The following GRIK4 variants were observed in gnomAD, a reference collection of about 807,000 sequenced individuals.
GRIK4 encodes glutamate receptor ionotropic, kainate 4.
In GRIK4, 40 loss-of-function variants were observed where a neutral mutation model predicts 104.9. That is an observed-to-expected ratio of 0.38 (90% confidence interval 0.30 to 0.50). The LOEUF is 0.50. Among genes scored for constraint, GRIK4 ranks in the 20% least tolerant of loss-of-function variants. The probability of loss-of-function intolerance (pLI) is 0.93; values close to 1 mark genes in which losing one functional copy is unlikely to be tolerated. For synonymous variants in GRIK4, 485 were observed against 524.9 expected (o/e 0.92, Z 1.04); for missense variants, 1,047 against 1,308.1 (o/e 0.80, Z 3.08).
At chr11:120,677,434 G>T (rs954097256) in intron 3 of GRIK4, among the ~76,000 whole-genome samples, 4 of 136,072 alleles carry the variant, frequency 2.9e-5, no homozygotes, top group Admixed American at 1.5e-4. Context: ...GCAATGTGAT[G>T]TAGGAGAGTA....
intron 14 of GRIK4, among the ~76,000 whole-genome samples, chr11:120,947,209 C>T (rs1943881150): frequency 6.6e-6 from 1 of 152,104 alleles, no homozygotes; most frequent in African/African-American, 2.4e-5. Flanking sequence ...CGAGACCAGC[C>T]TGACCAACAT....
At chr11:120,777,629 A>C (rs529132845) in intron 3 of GRIK4, among the ~76,000 whole-genome samples, 1 of 152,330 alleles carries the variant, frequency 6.6e-6, no homozygotes, top group African/African-American at 2.4e-5. Context: ...GTGTTGATAT[A>C]CACTATGGAC....
At chr11:120,562,686 G>A (rs1301062235) in intron 1 of GRIK4, among the ~76,000 whole-genome samples, 1 of 152,208 alleles carries the variant, frequency 6.6e-6, no homozygotes, top group African/African-American at 2.4e-5. Context: ...TGTATACCAG[G>A]CTAAGGGTGC....
intron 9 of GRIK4, among the ~76,000 whole-genome samples, chr11:120,862,914 G>T (rs370901837): frequency 6.6e-5 from 10 of 152,192 alleles, no homozygotes; most frequent in African/African-American, 2.4e-4. Context: ...CAGCCCTTGT[G>T]ATGCTAACTC....
intron 1 of GRIK4, among the ~76,000 whole-genome samples, chr11:120,565,693 T>C (rs1344643184): frequency 6.6e-6 from 1 of 151,972 alleles, no homozygotes; most frequent in Non-Finnish European, 1.5e-5. Flanking sequence ...GAGACCGGAG[T>C]AGAAATACAG....
At chr11:120,955,315 G>A (rs1259011957) in intron 15 of GRIK4, among the ~76,000 whole-genome samples, 1 of 152,192 alleles carries the variant, frequency 6.6e-6, no homozygotes, top group Non-Finnish European at 1.5e-5. Context: ...ACAGGTCAAA[G>A]GACCAATGCT....
chr11:120,633,108 C>T (rs1022665078), intron 1 of GRIK4, among the ~76,000 whole-genome samples: 30 of 152,206 alleles, frequency 2.0e-4, no homozygotes, highest in African/African-American at 7.2e-4. Context: ...CCCACAGAGC[C>T]ACCAGCGCCA....
At chr11:120,900,526 T>TA (rs34166803) in intron 12 of GRIK4, among the ~76,000 whole-genome samples, 36,366 of 152,008 alleles carry the variant, frequency 0.24, 6,035 homozygotes, top group East Asian at 0.53. Flanking sequence ...GAATGTGTGA[T>TA]AGACAGTAAA....
At chr11:120,840,811 A>G (rs1268108150) in intron 8 of GRIK4, among the ~76,000 whole-genome samples, 1 of 152,180 alleles carries the variant, frequency 6.6e-6, no homozygotes, top group Non-Finnish European at 1.5e-5. Context: ...TTAGTGTTGT[A>G]CAACCATCAC....
intron 8 of GRIK4, among the ~76,000 whole-genome samples, chr11:120,852,316 A>C (rs1953992742): frequency 6.6e-6 from 1 of 152,232 alleles, no homozygotes; most frequent in Admixed American, 6.5e-5. Context: ...TTGTAAAGGC[A>C]GTTCTACCCT....
At position 120,708,793 on chromosome 11, in the gene GRIK4, C is replaced by T. The variant is rs370069566; in HGVS notation, c.82+48393C>T. ...TGAAGTCTTTGCTTTGCGCAGGGCC[C>T]TGCTGCTGGGAGGCCAGGACTGCTG... On this transcript the variant is annotated intron_variant, in intron 3 of 20. Coordinates refer to ENST00000527524, the MANE Select transcript of GRIK4 (RefSeq NM_014619.5). 1.2e-4 allele frequency among the ~76,000 whole-genome samples: 19 copies of T among 152,324 alleles called. No individual in the cohort carries two copies. The East Asian group carries it at 2.9e-3, about 23-fold the overall frequency.
chr11:120,729,670 C>G (rs529858511), intron 3 of GRIK4, among the ~76,000 whole-genome samples: 98 of 152,272 alleles, frequency 6.4e-4, no homozygotes, highest in African/African-American at 2.3e-3. Flanking sequence ...AATCTCTTGT[C>G]AGATGAGTAG....
chr11:120,718,217 C>A (rs1362619259), intron 3 of GRIK4, among the ~76,000 whole-genome samples: 1 of 152,054 alleles, frequency 6.6e-6, no homozygotes, highest in Non-Finnish European at 1.5e-5. Flanking sequence ...AATATGTCCC[C>A]TCAAGTCTGT....
intron 19 of GRIK4, among the ~76,000 whole-genome samples, chr11:120,971,231 T>C (rs1944470005): frequency 1.3e-5 from 2 of 152,252 alleles, no homozygotes; most frequent in Non-Finnish European, 2.9e-5. Flanking sequence ...ATATATTTTC[T>C]GTCTGTTGAC....
At chr11:120,670,697 TC>T (rs1349982862) in intron 3 of GRIK4, among the ~76,000 whole-genome samples, 1 of 145,720 alleles carries the variant, frequency 6.9e-6, no homozygotes, top group Non-Finnish European at 1.5e-5. Flanking sequence ...GCTTCCTTTT[TC>T]TTTTTTTTAT....
intron 1 of GRIK4, among the ~76,000 whole-genome samples, chr11:120,532,123 G>A (rs1947929994): frequency 6.6e-6 from 1 of 152,204 alleles, no homozygotes; most frequent in Non-Finnish European, 1.5e-5. Flanking sequence ...CCGGGTACCT[G>A]TGGCCACTCA....
At chr11:120,632,717 G>T (rs1049866272) in intron 1 of GRIK4, among the ~76,000 whole-genome samples, 13 of 152,020 alleles carry the variant, frequency 8.6e-5, no homozygotes, top group African/African-American at 1.2e-4. Flanking sequence ...CAGAACTGAG[G>T]GTTCCTGATT....
intron 8 of GRIK4, among the ~76,000 whole-genome samples, chr11:120,840,872 T>G (rs1342537871): frequency 6.6e-6 from 1 of 152,172 alleles, no homozygotes; most frequent in Non-Finnish European, 1.5e-5. Context: ...TCTGTACCCA[T>G]TAAGCAATAG....
chr11:120,958,658 G>T (rs1320573194), intron 16 of GRIK4, among the ~76,000 whole-genome samples: 1 of 152,218 alleles, frequency 6.6e-6, no homozygotes, highest in Non-Finnish European at 1.5e-5. Context: ...CCGGAAGCGG[G>T]CATCATTCCC....
Sources: gnomAD v4.1 joint callset for allele counts (sites outside exome capture counted in the v4.1 genomes callset) on GRCh38, gnomAD v4.1.1 for gene constraint, MANE v1.5 for transcripts, NCBI Gene and HGNC (gene_info 2026-07-23, HGNC 2026-07-21) for gene names.